ASIC2: variants seen among roughly 807,000 people sequenced by gnomAD.
ASIC2 encodes the protein acid-sensing ion channel 2.
A neutral mutation model predicts 57.3 loss-of-function variants in ASIC2; 25 were observed. That is an observed-to-expected ratio of 0.44 (90% CI 0.32 to 0.61). The LOEUF (loss-of-function observed/expected upper bound fraction) is 0.61, where lower values mean the gene tolerates loss of function less well. Among genes scored for constraint, ASIC2 ranks in the 20% least tolerant of loss-of-function variants. The pLI is 0.06. For synonymous variants in ASIC2, 319 were observed against 307.5 expected (o/e 1.04, Z -0.39); for missense variants, 641 against 738.1 (o/e 0.87, Z 1.52).
chr17:33,497,276 G>C (rs1374789666), intron 1 of ASIC2, among the ~76,000 whole-genome samples: 2 of 152,206 alleles, frequency 1.3e-5, no homozygotes, highest in Non-Finnish European at 2.9e-5. Flanking sequence ...ACGAATCCAA[G>C]AAAGCCCTTA....
chr17:33,130,653 G>A (rs1395471389), intron 1 of ASIC2, among the ~76,000 whole-genome samples: 1 of 152,212 alleles, frequency 6.6e-6, no homozygotes, highest in Non-Finnish European at 1.5e-5. Flanking sequence ...AGGGGACTAA[G>A]CGGATAACCT....
At chr17:33,898,960 C>A (rs970488643) in intron 1 of ASIC2, among the ~76,000 whole-genome samples, 3 of 152,136 alleles carry the variant, frequency 2.0e-5, no homozygotes, top group African/African-American at 4.8e-5. Flanking sequence ...CTTACCCCTT[C>A]CTCCAATGGC....
chr17:34,130,898 A>T (rs561759355), intron 1 of ASIC2, among the ~76,000 whole-genome samples: 29 of 152,378 alleles, frequency 1.9e-4, no homozygotes, highest in African/African-American at 6.7e-4. Flanking sequence ...GGTAAAAAGC[A>T]CCAAGGCATT....
intron 1 of ASIC2, among the ~76,000 whole-genome samples, chr17:33,442,477 G>A (rs956289087): frequency 2.6e-5 from 4 of 152,064 alleles, no homozygotes; most frequent in African/African-American, 9.7e-5. Context: ...GCTTTTGCAT[G>A]TCTTTTGTTA....
chr17:34,103,089 T>G (rs1440442535), intron 1 of ASIC2, among the ~76,000 whole-genome samples: 1 of 152,232 alleles, frequency 6.6e-6, no homozygotes. Context: ...TTAAGTCTAT[T>G]TATTTTCTAT....
intron 1 of ASIC2, among the ~76,000 whole-genome samples, chr17:33,183,573 C>T (rs1410069976): frequency 1.3e-5 from 2 of 152,180 alleles, no homozygotes; most frequent in Admixed American, 6.5e-5. Context: ...TTCTCAGTAG[C>T]AGAGGTTATT....
chr17:33,509,474 G>A (rs1217894104), intron 1 of ASIC2, among the ~76,000 whole-genome samples: 1 of 152,198 alleles, frequency 6.6e-6, no homozygotes, highest in Admixed American at 6.5e-5. Context: ...TGAACTCTGT[G>A]TTCTATGCTC....
At chr17:33,904,368 T>C (rs1915301852) in intron 1 of ASIC2, among the ~76,000 whole-genome samples, 1 of 152,012 alleles carries the variant, frequency 6.6e-6, no homozygotes, top group South Asian at 2.1e-4. Context: ...GTGTACACAT[T>C]AACATTTGAG....
At chr17:33,464,457 CT>C (rs1912743679) in intron 1 of ASIC2, among the ~76,000 whole-genome samples, 1 of 85,860 alleles carries the variant, frequency 1.2e-5, no homozygotes, top group African/African-American at 5.1e-5. Flanking sequence ...GCCTCTTTTT[CT>C]CTTTCTTTCT....
rs529906604 is a variant in ASIC2, at chr17:33,481,620, T to C, written c.556-369553A>G. 1.8e-3 allele frequency among the ~76,000 whole-genome samples: 268 copies of C among 152,016 alleles called. 1 individual carries two copies. The highest frequency in any genetic ancestry group is 4.1e-3 in the Admixed American group (62 of 15,298). The stretch of plus-strand genomic sequence containing the variant: ...TTTGAGAAATAGTCGTTGAATAATT[T>C]CTCCCTTCCTTCAACCTCTACACCT... On this transcript the variant is annotated intron_variant, in intron 1 of 9. Transcript: ENST00000359872.
At chr17:33,574,427 G>A (rs2141994100) in intron 1 of ASIC2, among the ~76,000 whole-genome samples, 1 of 152,220 alleles carries the variant, frequency 6.6e-6, no homozygotes, top group Admixed American at 6.5e-5. Flanking sequence ...GGGTTTCTTA[G>A]CAGTAGCACT....
At chr17:33,124,911 T>C (rs553772028) in intron 1 of ASIC2, among the ~76,000 whole-genome samples, 1 of 152,262 alleles carries the variant, frequency 6.6e-6, no homozygotes, top group African/African-American at 2.4e-5. Context: ...GGTATTAGAT[T>C]CTCTTAAGGG....
intron 1 of ASIC2, among the ~76,000 whole-genome samples, chr17:33,263,111 A>G (rs564933062): frequency 6.6e-6 from 1 of 152,346 alleles, no homozygotes; most frequent in South Asian, 2.1e-4. Context: ...TTTGTTATCC[A>G]TCTGGGCATT....
chr17:33,906,451 C>T (rs1264538517), intron 1 of ASIC2, among the ~76,000 whole-genome samples: 29 of 152,330 alleles, frequency 1.9e-4, no homozygotes. Flanking sequence ...CCACTCCTAA[C>T]ATTTTGGGCA....
chr17:33,594,627 G>C (rs1251501376), intron 1 of ASIC2, among the ~76,000 whole-genome samples: 1 of 152,036 alleles, frequency 6.6e-6, no homozygotes, highest in Admixed American at 6.6e-5. Flanking sequence ...AGAAGATCGA[G>C]ACCATCCTGG....
At chr17:33,807,937 C>G (rs1316194442) in intron 1 of ASIC2, among the ~76,000 whole-genome samples, 1 of 152,126 alleles carries the variant, frequency 6.6e-6, no homozygotes, top group African/African-American at 2.4e-5. Flanking sequence ...GATAACAGTC[C>G]TTTATCAGAC....
Position 33,923,179 on chromosome 17 carries a change from G to C in ASIC2, c.555+232799C>G, listed in dbSNP as rs566796271. ...GTCTACCAGCAGAAGATGGAAAATGGGTGATGCCCTAGTGCTGGCCAGAGT... is the reference window on the plus strand; with the variant it reads ...GTCTACCAGCAGAAGATGGAAAATGCGTGATGCCCTAGTGCTGGCCAGAGT... On this transcript the variant is annotated intron_variant, in intron 1 of 9. Transcript: ENST00000359872. Among the ~76,000 whole-genome samples, 4 of 152,298 alleles carry C rather than the reference G, an allele frequency of 2.6e-5. No individual in the cohort carries two copies. The East Asian group carries it at 5.8e-4, about 22-fold the overall frequency.
At chr17:33,725,926 C>T (rs887570929) in intron 1 of ASIC2, among the ~76,000 whole-genome samples, 6 of 152,054 alleles carry the variant, frequency 3.9e-5, no homozygotes, top group Non-Finnish European at 8.8e-5. Context: ...GTCCAGGAGC[C>T]GACTCTGGAA....
At chr17:33,855,536 C>A (rs1018063575) in intron 1 of ASIC2, among the ~76,000 whole-genome samples, 1 of 152,110 alleles carries the variant, frequency 6.6e-6, no homozygotes, top group Admixed American at 6.5e-5. Context: ...GTGGAGAAGT[C>A]CCTAGATGCA....
Sources: gnomAD v4.1 joint callset for allele counts (sites outside exome capture counted in the v4.1 genomes callset) on GRCh38, gnomAD v4.1.1 for gene constraint, MANE v1.5 for transcripts, NCBI Gene and HGNC (gene_info 2026-07-23, HGNC 2026-07-21) for gene names.